The following ERAP1 variants were observed in gnomAD, a reference collection of about 807,000 sequenced individuals.
ERAP1 encodes adipocyte-derived leucine aminopeptidase.
In ERAP1, 86 loss-of-function variants were observed where a neutral mutation model predicts 103.7. The ratio of observed to expected loss-of-function variants is 0.83; its 90% CI spans 0.70 to 0.99. The LOEUF is 0.99. Among genes scored for constraint, ERAP1 ranks in the 50% least tolerant of loss-of-function variants. The probability of loss-of-function intolerance (pLI) is 0.00; values close to 1 mark genes in which losing one functional copy is unlikely to be tolerated. For synonymous variants in ERAP1, 398 were observed against 402.4 expected, an observed-to-expected ratio of 0.99 and a Z score of 0.13; for missense variants, 1,009 against 1,128.4, an observed-to-expected ratio of 0.89 and a Z score of 1.52.
chr5:96,854,762 T>C, the ERAP1 span, among the ~76,000 whole-genome samples: 1 of 152,194 alleles, frequency 6.6e-6, no homozygotes, highest in Non-Finnish European at 1.5e-5. Flanking sequence ...CTTGTGGCCT[T>C]TTACCATGGA....
chr5:96,766,816 C>T (rs1161162694), intron 19 of ERAP1, among the ~76,000 whole-genome samples: 1 of 152,084 alleles, frequency 6.6e-6, no homozygotes, highest in East Asian at 1.9e-4. Flanking sequence ...CAAGGAAGAC[C>T]AAATTACACC....
At chr5:96,837,789 A>G in the ERAP1 span, among the ~76,000 whole-genome samples, 3 of 152,170 alleles carry the variant, frequency 2.0e-5, no homozygotes, top group Non-Finnish European at 2.9e-5. Flanking sequence ...TGAACAAATT[A>G]AAGATGGTAA....
At chr5:96,814,373 T>C in the ERAP1 span, 1 of 455,814 alleles carries the variant, frequency 2.2e-6, no homozygotes, top group Admixed American at 2.4e-5. Flanking sequence ...GGGGGCAACT[T>C]AGATTACGTC....
chr5:96,903,286 T>A, the ERAP1 span: 1 of 1,022,548 alleles, frequency 9.8e-7, no homozygotes, highest in African/African-American at 1.6e-5. Context: ...CCCATTGATT[T>A]ATAAGTAATT....
At chr5:96,912,193 AAAAAAAAAAAAG>A in the ERAP1 span, among the ~76,000 whole-genome samples, 1 of 150,096 alleles carries the variant, frequency 6.7e-6, no homozygotes, top group Non-Finnish European at 1.5e-5. Context: ...CACCTCAAAA[AAAAAAAAAAAAG>A]AAAAGAAAAG....
downstream of ERAP1, chr5:96,771,723 T>C: frequency 6.7e-7 from 1 of 1,484,022 alleles, no homozygotes; most frequent in Non-Finnish European, 9.4e-7. Context: ...TGTTTATTTG[T>C]AAATGAAGAC....
the ERAP1 span, chr5:96,913,269 T>G: frequency 6.7e-7 from 1 of 1,498,156 alleles, no homozygotes; most frequent in South Asian, 1.2e-5. Context: ...TTAATGTCCA[T>G]GTACATAATA....
chr5:96,844,730 A>G, the ERAP1 span, among the ~76,000 whole-genome samples: 9 of 152,194 alleles, frequency 5.9e-5, no homozygotes, highest in Admixed American at 6.5e-5. Context: ...AAGAAAAGAG[A>G]ATGCTAAAAA....
chr5:96,790,455 A>G (rs1776605615), intron 9 of ERAP1, 57 bp downstream of exon 9: 1 of 1,611,666 alleles, frequency 6.2e-7, no homozygotes, highest in African/African-American at 1.3e-5. Context: ...AGGGAAAACA[A>G]AACAAGATGA....
chr5:96,804,292 G>A (rs911093338), intron 1 of ERAP1: 1 of 344,642 alleles, frequency 2.9e-6, no homozygotes, highest in Admixed American at 4.4e-5. Context: ...CACTACACGG[G>A]TCACAGAGTT....
chr5:96,909,227 G>C, the ERAP1 span: 4 of 1,028,598 alleles, frequency 3.9e-6, no homozygotes, highest in African/African-American at 6.4e-5. Context: ...GGAGCAGCTC[G>C]GGGGACTGAC....
intron 3 of ERAP1, among the ~76,000 whole-genome samples, chr5:96,800,432 T>C (rs1777853841): frequency 6.6e-6 from 1 of 152,228 alleles, no homozygotes; most frequent in Non-Finnish European, 1.5e-5. Context: ...AATTATATAA[T>C]GAATATTACT....
chr5:96,837,415 G>T, the ERAP1 span, among the ~76,000 whole-genome samples: 1 of 152,204 alleles, frequency 6.6e-6, no homozygotes, highest in East Asian at 1.9e-4. Flanking sequence ...CGACCCCTTC[G>T]TGGGCGGGAA....
At chr5:96,857,947 A>G in the ERAP1 span, among the ~76,000 whole-genome samples, 5 of 152,338 alleles carry the variant, frequency 3.3e-5, no homozygotes, top group East Asian at 7.7e-4. Context: ...GAAAATACCA[A>G]GGATCATGTG....
At position 96,783,855 on chromosome 5, in the gene ERAP1, AT is replaced by A. The variant is rs1775605334; in HGVS notation, c.2100+68del. The A allele has an allele frequency of 1.2e-4, 48 of 413,458 alleles. 1 individual carries two copies. Among genetic ancestry groups the A allele is most frequent in the African/African-American group, 2.1e-4 (3 of 14,492 alleles). 25.6% of individuals were successfully genotyped at this position (413,458 alleles called of 1,614,324 possible). On this transcript the variant is annotated intron_variant, in intron 14 of 18. Transcript: ENST00000443439. ...CACACACACACACACACACACACACATACACACACAATGATTAACACTTTTT... is the reference window on the plus strand; with the variant it reads ...CACACACACACACACACACACACACAACACACACAATGATTAACACTTTTT...
At chr5:96,891,128 G>A in the ERAP1 span, among the ~76,000 whole-genome samples, 1 of 152,050 alleles carries the variant, frequency 6.6e-6, no homozygotes, top group East Asian at 1.9e-4. Context: ...TGTTTTTAAT[G>A]TACTAGAATT....
the ERAP1 span, among the ~76,000 whole-genome samples, chr5:96,926,890 C>T: frequency 3.5e-3 from 528 of 152,268 alleles, 6 homozygotes; most frequent in Admixed American, 0.022. Context: ...AGTCTCAGCT[C>T]GCTGCAGCCT....
At chr5:96,896,251 T>A in the ERAP1 span, 2 of 733,700 alleles carry the variant, frequency 2.7e-6, no homozygotes, top group East Asian at 2.9e-5. Context: ...AAAAGAAACA[T>A]CTCCCAAGAA....
the ERAP1 span, among the ~76,000 whole-genome samples, chr5:96,844,896 A>G: frequency 6.6e-6 from 1 of 152,060 alleles, no homozygotes; most frequent in African/African-American, 2.4e-5. Context: ...AGATTCTTTA[A>G]AGAAGTTGAG....
Sources: gnomAD v4.1 joint callset for allele counts (sites outside exome capture counted in the v4.1 genomes callset) on GRCh38, gnomAD v4.1.1 for gene constraint, MANE v1.5 for transcripts, NCBI Gene and HGNC (gene_info 2026-07-23, HGNC 2026-07-21) for gene names.